Variants in PRKN observed in about 807,000 individuals in gnomAD.
The protein encoded by PRKN is E3 ubiquitin-protein ligase parkin.
In PRKN, 56 loss-of-function variants were observed where a neutral mutation model predicts 59.5. The ratio of observed to expected loss-of-function variants is 0.94; its 90% confidence interval spans 0.76 to 1.18. PRKN has a LOEUF of 1.18. PRKN is among the 50% of genes most tolerant of loss of function. The pLI is 0.00. For synonymous variants in PRKN, 250 were observed against 222.1 expected (o/e 1.13, Z -1.12); for missense variants, 657 against 596.4 (o/e 1.10, Z -1.06).
At chr6:161,602,883 G>T (rs553505851) in intron 7 of PRKN, among the ~76,000 whole-genome samples, 1 of 152,304 alleles carries the variant, frequency 6.6e-6, no homozygotes, top group African/African-American at 2.4e-5. Context: ...CCACAGCTTA[G>T]TTGAGGGGAT....
chr6:161,876,387 C>T (rs964029667), intron 6 of PRKN, among the ~76,000 whole-genome samples: 1 of 152,166 alleles, frequency 6.6e-6, no homozygotes, highest in African/African-American at 2.4e-5. Context: ...TGACAGCTCA[C>T]TGAAGCCTCG....
At position 161,460,167 on chromosome 6, in the gene PRKN, G is replaced by T. The variant is rs1352552938; in HGVS notation, c.1084-73290C>A. The stretch of plus-strand genomic sequence containing the variant: ...TCTGCTTAGAGGACAGATTTTGGTG[G>T]TAATACAACCAAAGTTTATAATAGG... On this transcript the variant is annotated intron_variant, in intron 9 of 11. Coordinates refer to ENST00000366898, the MANE Select transcript of PRKN (RefSeq NM_004562.3). The surrounding 1 kb of genome is among the most constrained non-coding windows in gnomAD (Gnocchi z 5.0). Among the ~76,000 whole-genome samples the T allele has an allele frequency of 6.6e-6, 1 of 152,158 alleles. No homozygotes were observed. Among genetic ancestry groups the T allele is most frequent in the East Asian group, 1.9e-4 (1 of 5,188 alleles).
intron 4 of PRKN, among the ~76,000 whole-genome samples, chr6:162,138,555 AAATC>A (rs1244224695): frequency 6.6e-6 from 1 of 152,180 alleles, no homozygotes; most frequent in Non-Finnish European, 1.5e-5. Context: ...ACCAGGAGAA[AAATC>A]AATCAATTAA....
intron 7 of PRKN, among the ~76,000 whole-genome samples, chr6:161,585,188 G>A (rs952659553): frequency 6.6e-6 from 1 of 152,126 alleles, no homozygotes; most frequent in Non-Finnish European, 1.5e-5. Flanking sequence ...TGAAGCACAC[G>A]GGCACCATTA....
chr6:161,781,587 T>C (rs964488451), intron 7 of PRKN, among the ~76,000 whole-genome samples: 3 of 152,226 alleles, frequency 2.0e-5, no homozygotes, highest in Non-Finnish European at 2.9e-5. Flanking sequence ...AGGAGGTTGT[T>C]AGTTATCTCG....
chr6:161,778,323 C>T (rs535526236), intron 7 of PRKN, among the ~76,000 whole-genome samples: 1 of 152,278 alleles, frequency 6.6e-6, no homozygotes, highest in African/African-American at 2.4e-5. Flanking sequence ...TTCATTCACA[C>T]TCCTAAGTTC....
intron 5 of PRKN, among the ~76,000 whole-genome samples, chr6:162,027,472 T>C (rs1293571876): frequency 6.6e-6 from 1 of 152,146 alleles, no homozygotes; most frequent in East Asian, 1.9e-4. Flanking sequence ...CTGTATATTC[T>C]TGTGTAGAAA....
At chr6:161,965,677 C>G (rs1780551154) in intron 6 of PRKN, among the ~76,000 whole-genome samples, 1 of 152,034 alleles carries the variant, frequency 6.6e-6, no homozygotes, top group Admixed American at 6.5e-5. Context: ...AGACATCAAT[C>G]AAACACATTT....
At chr6:162,555,459 A>T (rs1779522110) in intron 1 of PRKN, among the ~76,000 whole-genome samples, 1 of 152,186 alleles carries the variant, frequency 6.6e-6, no homozygotes, top group South Asian at 2.1e-4. Context: ...AGAAAAACTT[A>T]AAACATTACC....
At chr6:162,004,598 G>A (rs1201657178) in intron 5 of PRKN, among the ~76,000 whole-genome samples, 1 of 152,078 alleles carries the variant, frequency 6.6e-6, no homozygotes, top group East Asian at 1.9e-4. Context: ...CACCAGCGTA[G>A]GTAATATAAA....
chr6:161,847,691 C>T (rs563145924), intron 6 of PRKN, among the ~76,000 whole-genome samples: 51 of 151,794 alleles, frequency 3.4e-4, no homozygotes, highest in Admixed American at 7.9e-4. Context: ...GGGTGCATCA[C>T]TTAGAAAAGT....
At chr6:162,569,746 T>C in intron 1 of PRKN, 2 of 522,690 alleles carry the variant, frequency 3.8e-6, no homozygotes. Flanking sequence ...CGACAGCCCC[T>C]CCCAGCCTGC....
intron 9 of PRKN, among the ~76,000 whole-genome samples, chr6:161,430,664 A>C (rs543139778): frequency 1.3e-5 from 2 of 151,824 alleles, no homozygotes; most frequent in African/African-American, 2.4e-5. Context: ...AAATACAAAA[A>C]ATTAGCCCGG....
At chr6:161,826,784 T>C (rs966205003) in intron 6 of PRKN, among the ~76,000 whole-genome samples, 50 of 152,212 alleles carry the variant, frequency 3.3e-4, no homozygotes, top group African/African-American at 1.2e-3. Flanking sequence ...CAGAGAGGCA[T>C]GTAGGAACGG....
rs1161327698 is a variant in PRKN at position 161,388,154 on chromosome 6, C to A, written c.1084-1277G>T. ...AACACACCAGACTGGAGTCATCATC[C>A]CATCCCCTGCCACCTGAAACACCTT... On this transcript the variant is annotated intron_variant, in intron 9 of 11. Coordinates refer to ENST00000366898, the MANE Select transcript of PRKN (RefSeq NM_004562.3). This position sits in a 1 kb window ranked among gnomAD's most constrained non-coding sequence, Gnocchi z 4.3. Among the ~76,000 whole-genome samples the A allele has an allele frequency of 6.6e-6, 1 of 152,194 alleles. No homozygotes were observed. The highest frequency in any genetic ancestry group is 2.4e-5 in the African/African-American group (1 of 41,456).
At chr6:161,856,968 T>C (rs1397021440) in intron 6 of PRKN, among the ~76,000 whole-genome samples, 3 of 76,490 alleles carry the variant, frequency 3.9e-5, no homozygotes, top group Admixed American at 1.3e-4. Context: ...AATCAGAGAG[T>C]AGTCCTGGCA....
chr6:162,663,113 C>T (rs1332009975), intron 1 of PRKN, among the ~76,000 whole-genome samples: 1 of 152,162 alleles, frequency 6.6e-6, no homozygotes, highest in African/African-American at 2.4e-5. Flanking sequence ...GTGCACAACC[C>T]ACCAGCCGAT....
intron 1 of PRKN, among the ~76,000 whole-genome samples, chr6:162,481,460 G>GT (rs1160906636): frequency 2.6e-5 from 4 of 152,124 alleles, no homozygotes; most frequent in Non-Finnish European, 4.4e-5. Flanking sequence ...AAAAAAAGCA[G>GT]TTTTTTTGTT....
At chr6:162,312,211 C>G (rs1357409398) in intron 2 of PRKN, among the ~76,000 whole-genome samples, 1 of 152,132 alleles carries the variant, frequency 6.6e-6, no homozygotes, top group Non-Finnish European at 1.5e-5. Context: ...CTTTATCCCA[C>G]CCCTCTGCCA....
Sources: gnomAD v4.1 joint callset for allele counts (sites outside exome capture counted in the v4.1 genomes callset) on GRCh38, gnomAD v4.1.1 for gene constraint, Gnocchi (gnomAD v3.1) non-coding constraint, MANE v1.5 for transcripts, NCBI Gene and HGNC (gene_info 2026-07-23, HGNC 2026-07-21) for gene names.